Variants in CCDC194 observed in about 807,000 individuals in gnomAD.
CCDC194 encodes the protein coiled-coil domain-containing protein 194.
Under a neutral mutation model 4.9 loss-of-function variants are expected in CCDC194, and 8 were observed. The observed-to-expected ratio is 1.65, with a 90% CI of 0.97 to 2.97. The LOEUF is 2.97. Ranked by LOEUF, CCDC194 falls within the 30% of genes most tolerant of loss-of-function variation. The pLI is 0.00. For missense variants in CCDC194, 52 were observed against 43.1 expected (o/e 1.21, Z -0.58); for synonymous variants, 13 against 17.0 (o/e 0.76, Z 0.58).
Position 17,393,912 on chromosome 19 carries a change from GGGCCTCC to G in CCDC194, c.240_246del (p.Glu80AspfsTer2). The G allele has an allele frequency of 2.5e-6, 1 of 397,410 alleles. No homozygotes were observed. The highest frequency in any genetic ancestry group is 4.4e-6 in the Non-Finnish European group (1 of 225,248). The allele number at this position is 397,410 out of a possible 1,614,324, so 24.6% of individuals were successfully genotyped here. On this transcript the variant is annotated frameshift_variant, in exon 1 of 4. Transcript: ENST00000636079. LOFTEE classifies it high-confidence loss of function. ...TCCGCCTGGTCCAGCTGCCTGGCTA[GGGCCTCC>G]TCCCGCTCGGCAGCCTCTGCCAGCC...
At chr19:17,392,186 A>C (rs10410773) in intron 1 of CCDC194, 11,714 of 194,636 alleles carry the variant, frequency 0.06, 1,243 homozygotes, top group African/African-American at 0.23. Flanking sequence ...CAAACCAACA[A>C]AGTTAGCCGG....
At chr19:17,391,873 G>A in intron 1 of CCDC194, 27 bp from the exon 2 acceptor site, 1 of 1,478,386 alleles carries the variant, frequency 6.8e-7, no homozygotes, top group South Asian at 1.3e-5. Flanking sequence ...AAGTGGGAGG[G>A]GGTGTAGGCA....
chr19:17,393,374 G>GA (rs2074661875), intron 1 of CCDC194, among the ~76,000 whole-genome samples: 7 of 142,108 alleles, frequency 4.9e-5, no homozygotes, highest in South Asian at 4.5e-4. Flanking sequence ...AGGACAGTGA[G>GA]ACTTTTTTTT....
At chr19:17,392,794 A>G (rs1206634105) in intron 1 of CCDC194, among the ~76,000 whole-genome samples, 1 of 152,174 alleles carries the variant, frequency 6.6e-6, no homozygotes, top group Admixed American at 6.5e-5. Context: ...GTGGGATCTC[A>G]GCTCACTGCA....
downstream of CCDC194, among the ~76,000 whole-genome samples, chr19:17,390,250 G>A (rs572855059): frequency 3.0e-4 from 45 of 152,268 alleles, no homozygotes; most frequent in Non-Finnish European, 4.4e-4. The surrounding 1 kb of genome is among the most constrained non-coding windows in gnomAD (Gnocchi z 5.5). Flanking sequence ...TGTTGTTAGA[G>A]GGGACTTCAA....
chr19:17,387,973 G>A (rs1051063943), downstream of CCDC194, among the ~76,000 whole-genome samples: 71 of 150,296 alleles, frequency 4.7e-4, no homozygotes, highest in Non-Finnish European at 8.9e-4. Context: ...TGCAAGCTCC[G>A]CCTCCCAGGT....
rs551933814 is a variant in CCDC194, at chr19:17,393,376, CTTTTTTTTTTTTT to C, written c.324+446_324+458del. On this transcript the variant is annotated intron_variant, in intron 1 of 3. Transcript: ENST00000636079. ...TGGCAAATAGCAAAGGACAGTGAGA[CTTTTTTTTTTTTT>C]TTTTTTTTTTTTTTTTTCAGATGGA... is the stretch of plus-strand genomic sequence containing the variant. 4.5e-3 allele frequency among the ~76,000 whole-genome samples: 519 copies of C among 115,330 alleles called. 9 individuals carry two copies. The highest frequency in any genetic ancestry group is 0.018 in the Middle Eastern group (4 of 222). The allele number at this position is 115,330 out of a possible 152,430, so 75.7% of individuals were successfully genotyped here. A position where few individuals can be genotyped will look rare whatever the true frequency, so the allele number is the denominator to read the frequency against.
downstream of CCDC194, among the ~76,000 whole-genome samples, chr19:17,388,079 G>T (rs993814028): frequency 2.6e-5 from 4 of 151,450 alleles, no homozygotes; most frequent in Non-Finnish European, 5.9e-5. Flanking sequence ...ATAGAGAAAG[G>T]GTTTCACCGT....
rs1218316980 is a variant in CCDC194, at chr19:17,393,644, A to G, written c.324+191T>C. On this transcript the variant is annotated intron_variant, in intron 1 of 3. Transcript: ENST00000636079. ...CCTCAGGTGATCCACCTTTCTGATC[A>G]GAAGGTAGACTCCATGGTGAGCTGA... Among the ~76,000 whole-genome samples, 217 of 152,202 alleles carry G rather than the reference A, an allele frequency of 1.4e-3. 1 individual carries two copies. The highest frequency in any genetic ancestry group is 2.1e-4 in the Non-Finnish European group (14 of 68,000).
In CCDC194 at chr19:17,390,569, C is replaced by G. The variant is rs2074650455; in HGVS notation, c.645G>C (p.Ser215=). The change falls in exon 4 of 4, where the codon TCG becomes TCC. Residue 215 remains serine (S), a synonymous_variant. Transcript: ENST00000636079. This position sits in a 1 kb window ranked among gnomAD's most constrained non-coding sequence, Gnocchi z 5.5. Reference sequence around the variant, plus strand: ...CCCCGGAGGGTCCGGAGCGAGAGCGCGAGCGAGGGCTGGGCCGGGGTCGGG... The same window carrying G: ...CCCCGGAGGGTCCGGAGCGAGAGCGGGAGCGAGGGCTGGGCCGGGGTCGGG... 2.5e-6 allele frequency: 1 copy of G among 397,278 alleles called. No individual in the cohort carries two copies. The highest frequency in any genetic ancestry group is 4.4e-5 in the Admixed American group (1 of 22,664). The allele number at this position is 397,278 out of a possible 1,614,324, so 24.6% of individuals were successfully genotyped here. A position where few individuals can be genotyped will look rare whatever the true frequency, so the allele number is the denominator to read the frequency against.
chr19:17,394,005 C>G, exon 1 of CCDC194: 1 of 391,624 alleles, frequency 2.6e-6, no homozygotes, highest in Non-Finnish European at 4.5e-6. Context: ...GCATTGGCCC[C>G]TGGCTCCGGG....
At chr19:17,393,500 C>T (rs115751010) in intron 1 of CCDC194, among the ~76,000 whole-genome samples, 3,500 of 151,422 alleles carry the variant, frequency 0.023, 91 homozygotes, top group East Asian at 0.093. Context: ...GCGATTCTCC[C>T]GCGTTAGCCT....
chr19:17,391,949 GTCC>G, intron 1 of CCDC194, 103 bp from the exon 2 acceptor site: 1 of 1,096,978 alleles, frequency 9.1e-7, no homozygotes, highest in Non-Finnish European at 1.2e-6. Flanking sequence ...GCGACCCTGT[GTCC>G]TGAGCTTTGT....
At chr19:17,390,478 G>A (rs1385697501), downstream of CCDC194, 9 of 391,420 alleles carry the variant, frequency 2.3e-5, no homozygotes, top group Admixed American at 8.9e-5. This position sits in a 1 kb window ranked among gnomAD's most constrained non-coding sequence, Gnocchi z 5.5. Flanking sequence ...GTGTCCTCCA[G>A]GCCGACGCCC....
At chr19:17,389,794 G>A (rs1568381532), downstream of CCDC194, among the ~76,000 whole-genome samples, 1 of 152,054 alleles carries the variant, frequency 6.6e-6, no homozygotes, top group Admixed American at 6.6e-5. Context: ...GTGTAACCCC[G>A]TCTCTACTAA....
exon 2 of CCDC194, chr19:17,391,762 C>G (rs1031384323): frequency 3.3e-6 from 5 of 1,535,738 alleles, no homozygotes; most frequent in Non-Finnish European, 4.4e-6. Context: ...GTCAGCGCCC[C>G]GTTCTCGGCC....
chr19:17,390,343 GGA>G (rs2074649299), downstream of CCDC194, among the ~76,000 whole-genome samples: 1 of 152,168 alleles, frequency 6.6e-6, no homozygotes, highest in Non-Finnish European at 1.5e-5. The surrounding 1 kb of genome is among the most constrained non-coding windows in gnomAD (Gnocchi z 5.5). Context: ...ACATGGTGGG[GGA>G]GAGAGGGCTG....
At chr19:17,393,972 G>T in exon 1 of CCDC194, 1 of 394,430 alleles carries the variant, frequency 2.5e-6, no homozygotes, top group Non-Finnish European at 4.5e-6. Context: ...ACCCCAGGCG[G>T]CGGGTCCCCG....
chr19:17,393,390 T>C (rs1479766193), intron 1 of CCDC194, among the ~76,000 whole-genome samples: 1 of 19,070 alleles, frequency 5.2e-5, no homozygotes, highest in Non-Finnish European at 1.1e-3. Context: ...TTTTTTTTTT[T>C]TTTTTTTTTT....
Sources: gnomAD v4.1 joint callset for allele counts (sites outside exome capture counted in the v4.1 genomes callset) on GRCh38, gnomAD v4.1.1 for gene constraint, Gnocchi (gnomAD v3.1) non-coding constraint, MANE v1.5 for transcripts, NCBI Gene and HGNC (gene_info 2026-07-23, HGNC 2026-07-21) for gene names.